Variants in ALPK3 observed in about 807,000 individuals in gnomAD.
ALPK3 encodes alpha-protein kinase 3.
A neutral mutation model predicts 140.0 loss-of-function variants in ALPK3; 102 were observed. The ratio of observed to expected loss-of-function variants is 0.73; its 90% CI spans 0.62 to 0.86. The LOEUF (loss-of-function observed/expected upper bound fraction) is 0.86, where lower values mean the gene tolerates loss of function less well. Among genes scored for constraint, ALPK3 ranks in the 40% least tolerant of loss-of-function variants. The pLI is 0.00. For missense variants in ALPK3, 2,254 were observed against 2,208.2 expected (o/e 1.02, Z -0.42); for synonymous variants, 938 against 898.5 (o/e 1.04, Z -0.79).
At chr15:84,867,979 C>T in intron 13 of ALPK3, 132 bp from the exon 14 acceptor site, 1 of 900,850 alleles carries the variant, frequency 1.1e-6, no homozygotes, top group Non-Finnish European at 1.7e-6. Flanking sequence ...AAGGGAGAGT[C>T]CCCATCACCC....
In ALPK3 at chr15:84,817,556, C is replaced by A; in HGVS notation, c.104C>A (p.Ala35Asp). The A allele has an allele frequency of 6.7e-7, 1 of 1,502,674 alleles. No individual in the cohort carries two copies. The highest frequency in any genetic ancestry group is 8.8e-7 in the Non-Finnish European group (1 of 1,131,586). The allele number at this position is 1,502,674 out of a possible 1,614,324, so 93.1% of individuals were successfully genotyped here. The change falls in exon 1 of 14, where the codon GCC becomes GAC. Residue 35 changes from alanine (A) to aspartate (D), a missense_variant. Transcript: ENST00000258888. Reference protein sequence around the residue: ...DDGPVWIPSPASRSYLLSVRP... With the variant: ...DDGPVWIPSPDSRSYLLSVRP... ...GGCCCCGTGTGGATCCCCAGCCCAG[C>A]CAGCCGGAGCTACCTGCTCAGCGTG...
chr15:84,830,867 T>TTGTGTG (rs71453269), intron 3 of ALPK3, among the ~76,000 whole-genome samples: 29 of 151,430 alleles, frequency 1.9e-4, no homozygotes, highest in East Asian at 9.7e-4. Context: ...CCAACTTATT[T>TTGTGTG]TGTGTGTGTG....
rs933361161 is a variant in ALPK3 at position 84,844,148 on chromosome 15, A to G, written c.1653+3216A>G. ...GGAGGCTGAGGCAGATAATTGCTTG[A>G]ACCTGGGAGGCGGAGGTTGTGGTGA... On this transcript the variant is annotated intron_variant, in intron 5 of 13. Coordinates refer to ENST00000258888, the MANE Select transcript of ALPK3 (RefSeq NM_020778.5). 9.2e-5 allele frequency among the ~76,000 whole-genome samples: 14 copies of G among 152,270 alleles called. No individual in the cohort carries two copies. In the East Asian group the frequency reaches 2.7e-3, roughly 29 times the overall value.
In ALPK3 at chr15:84,857,115, C is replaced by A; in HGVS notation, c.2377C>A (p.Pro793Thr). The change falls in exon 6 of 14, where the codon CCC (proline) becomes ACC (threonine). Residue 793 changes from proline (P) to threonine (T), a missense_variant. Transcript: ENST00000258888. ...SRNHEQTVLG[P>T]LSGNLMLPAQ... ...GAACCATGAGCAAACTGTGCTGGGT[C>A]CCCTGTCAGGGAACCTCATGCTCCC... 2 of 1,614,172 alleles carry A rather than the reference C, an allele frequency of 1.2e-6. No homozygotes were observed. The highest frequency in any genetic ancestry group is 1.7e-6 in the Non-Finnish European group (2 of 1,180,014).
chr15:84,820,731 C>G (rs1963412515), intron 1 of ALPK3, among the ~76,000 whole-genome samples: 1 of 152,220 alleles, frequency 6.6e-6, no homozygotes, highest in Non-Finnish European at 1.5e-5. Flanking sequence ...AACTGCCTGC[C>G]TCGGCCTCCC....
chr15:84,858,665 G>T (rs1963901048), intron 6 of ALPK3, 110 bp downstream of exon 6: 6 of 1,418,064 alleles, frequency 4.2e-6, no homozygotes, highest in Admixed American at 5.8e-5. Flanking sequence ...TCCCTCCTCG[G>T]GATTCATAAA....
intron 3 of ALPK3, among the ~76,000 whole-genome samples, chr15:84,833,817 G>C (rs1209659773): frequency 1.3e-5 from 2 of 152,208 alleles, no homozygotes; most frequent in African/African-American, 4.8e-5. Flanking sequence ...CTTGTGGGAA[G>C]ATAGTGGGCC....
chr15:84,822,037 C>A (rs983541223), intron 1 of ALPK3, among the ~76,000 whole-genome samples: 3 of 151,922 alleles, frequency 2.0e-5, no homozygotes, highest in Non-Finnish European at 4.4e-5. Context: ...CCCTACCAAC[C>A]CAGTTAAGGA....
chr15:84,834,294 TA>T (rs1347710225), intron 3 of ALPK3, among the ~76,000 whole-genome samples: 2 of 152,198 alleles, frequency 1.3e-5, no homozygotes, highest in Non-Finnish European at 2.9e-5. Context: ...AAATAGGAAT[TA>T]AAATACCAGC....
rs182528198 is a variant in ALPK3, at chr15:84,846,939, T to G, written c.1653+6007T>G. On this transcript the variant is annotated intron_variant, in intron 5 of 13. Transcript: ENST00000258888. ...GTGTGCCGCTACACTTGGCTAATTT[T>G]GTATTTTTAGTACAGGGGTTTCACT... 2.9e-3 allele frequency among the ~76,000 whole-genome samples: 447 copies of G among 152,184 alleles called. 1 individual carries two copies. The highest frequency in any genetic ancestry group is 0.01 in the African/African-American group (416 of 41,538).
intron 1 of ALPK3, among the ~76,000 whole-genome samples, 195 bp from the exon 2 acceptor site, chr15:84,823,135 T>C (rs1963446293): frequency 6.6e-6 from 1 of 152,208 alleles, no homozygotes. Context: ...AATGAGCTCT[T>C]GGTTTCAGAT....
chr15:84,850,687 A>G (rs1963791856), intron 5 of ALPK3, among the ~76,000 whole-genome samples: 1 of 152,124 alleles, frequency 6.6e-6, no homozygotes, highest in African/African-American at 2.4e-5. Context: ...ATATCTGGCC[A>G]TACACTGAGT....
intron 3 of ALPK3, among the ~76,000 whole-genome samples, chr15:84,834,196 G>GAAAAGGAAA (rs1465724125): frequency 6.6e-6 from 1 of 152,198 alleles, no homozygotes; most frequent in Non-Finnish European, 1.5e-5. Flanking sequence ...CTGGAGAAAG[G>GAAAAGGAAA]AAAAGGAAAC....
At chr15:84,856,102 A>G (rs577877529) in intron 5 of ALPK3, among the ~76,000 whole-genome samples, 8 of 152,296 alleles carry the variant, frequency 5.3e-5, no homozygotes, top group Admixed American at 5.2e-4. Context: ...CTTTCAGGAA[A>G]GGCAGGATTT....
intron 9 of ALPK3, among the ~76,000 whole-genome samples, chr15:84,861,418 G>A (rs951942940): frequency 2.0e-5 from 3 of 151,958 alleles, no homozygotes; most frequent in Admixed American, 2.0e-4. Flanking sequence ...TATACCTTTT[G>A]CATCCTATCT....
chr15:84,817,664 G>C, intron 1 of ALPK3, 69 bp downstream of exon 1: 1 of 1,401,994 alleles, frequency 7.1e-7, no homozygotes, highest in Non-Finnish European at 9.3e-7. Context: ...TGTGAGGGCG[G>C]CCTGGCCCCT....
intron 2 of ALPK3, among the ~76,000 whole-genome samples, chr15:84,825,687 G>A (rs577714521): frequency 1.3e-5 from 2 of 152,306 alleles, no homozygotes; most frequent in East Asian, 3.9e-4. Flanking sequence ...ATTAGGGATG[G>A]TTTGAATTAA....
At position 84,859,816 on chromosome 15, in the gene ALPK3, G is replaced by C; in HGVS notation, c.4006G>C (p.Ala1336Pro). The change falls in exon 8 of 14, where the codon GCC (alanine) becomes CCC (proline). Residue 1336 changes from alanine (A) to proline (P), a missense_variant. Ala to Pro is a conservative substitution (Grantham distance 27). Transcript: ENST00000258888. Reference protein sequence around the residue: ...EGPAALAIVQASPVDCGVYRC... With the variant: ...EGPAALAIVQPSPVDCGVYRC... ...GCCGGCGGCCTTGGCCATCGTGCAG[G>C]CCTCCCCCGTAGACTGCGGTGTGTA... 1 of 1,613,776 alleles carries C rather than the reference G, an allele frequency of 6.2e-7. No homozygotes were observed. The highest frequency in any genetic ancestry group is 8.5e-7 in the Non-Finnish European group (1 of 1,180,014).
intron 4 of ALPK3, 95 bp from the exon 5 acceptor site, chr15:84,839,607 G>A: frequency 7.3e-7 from 1 of 1,363,284 alleles, no homozygotes; most frequent in Non-Finnish European, 9.9e-7. Context: ...TAGGGAGGGG[G>A]AAGTGTGCCC....
Sources: allele counts gnomAD v4.1 joint callset (sites outside exome capture counted in the v4.1 genomes callset), GRCh38; gene constraint gnomAD v4.1.1; transcripts MANE v1.5; gene names NCBI Gene and HGNC (gene_info 2026-07-23, HGNC 2026-07-21).